GFOD1: variants seen among roughly 807,000 people sequenced by gnomAD.
GFOD1 encodes Gfo/Idh/MocA-like oxidoreductase domain containing 1, also known as glucose-fructose oxidoreductase domain-containing protein 1.
Under a neutral mutation model 25.4 loss-of-function variants are expected in GFOD1, and 9 were observed. That is an observed-to-expected ratio of 0.35 (90% CI 0.21 to 0.62). The LOEUF (loss-of-function observed/expected upper bound fraction) is 0.62. GFOD1 is among the 20% of genes least tolerant of loss of function. GFOD1 has a pLI of 0.72. For synonymous variants in GFOD1, 253 were observed against 245.6 expected (o/e 1.03, Z -0.28); for missense variants, 403 against 556.9 (o/e 0.72, Z 2.78).
chr6:13,468,921 T>C (rs1207149250), intron 1 of GFOD1, among the ~76,000 whole-genome samples: 8 of 152,148 alleles, frequency 5.3e-5, no homozygotes, highest in Non-Finnish European at 1.0e-4. Context: ...AGATCAAGCC[T>C]ATGGTGTGCA....
At chr6:13,468,406 T>G (rs1758415247) in intron 1 of GFOD1, among the ~76,000 whole-genome samples, 2 of 152,242 alleles carry the variant, frequency 1.3e-5, no homozygotes. Context: ...ATTTATGTTG[T>G]TTCCAGTGTT....
At position 13,401,278 on chromosome 6, in the gene GFOD1, C is replaced by T. The variant is rs186126655; in HGVS notation, c.254-35616G>A. On this transcript the variant is annotated intron_variant, in intron 1 of 1. Coordinates refer to ENST00000379287, the MANE Select transcript of GFOD1 (RefSeq NM_018988.4). ...GCATAAGGCGTGGGCCTGTTTGGAT[C>T]CCTATTCCAAAAGGCCAACCATGAG... Among the ~76,000 whole-genome samples, 174 of 152,282 alleles carry T rather than the reference C, an allele frequency of 1.1e-3. 2 individuals are homozygous for T. The Middle Eastern group carries it at 0.031, about 27-fold the overall frequency.
intron 1 of GFOD1, among the ~76,000 whole-genome samples, chr6:13,438,664 C>T (rs901852236): frequency 2.0e-4 from 31 of 152,254 alleles, no homozygotes; most frequent in African/African-American, 7.2e-4. Context: ...ACCCATCACC[C>T]TGTAAAATGA....
intron 1 of GFOD1, among the ~76,000 whole-genome samples, chr6:13,473,699 G>A (rs1181879984): frequency 6.6e-6 from 1 of 152,160 alleles, no homozygotes; most frequent in Non-Finnish European, 1.5e-5. Context: ...ATATCATAGA[G>A]CCTCCCATGT....
At chr6:13,458,349 C>T (rs2127574965) in intron 1 of GFOD1, among the ~76,000 whole-genome samples, 1 of 152,280 alleles carries the variant, frequency 6.6e-6, no homozygotes, top group Middle Eastern at 3.4e-3. Context: ...AACTCCTGAC[C>T]TTGTGATCCG....
chr6:13,462,421 C>G (rs138940312), intron 1 of GFOD1, among the ~76,000 whole-genome samples: 1 of 152,180 alleles, frequency 6.6e-6, no homozygotes, highest in Non-Finnish European at 1.5e-5. Flanking sequence ...ATTGTCAGAA[C>G]GTCTCAGATC....
At chr6:13,427,509 G>A (rs1251746369) in intron 1 of GFOD1, among the ~76,000 whole-genome samples, 1 of 152,026 alleles carries the variant, frequency 6.6e-6, no homozygotes, top group African/African-American at 2.4e-5. Context: ...AAATTAGCCC[G>A]GCATGGTGGT....
chr6:13,443,364 T>A (rs1757948331), intron 1 of GFOD1, among the ~76,000 whole-genome samples: 1 of 152,252 alleles, frequency 6.6e-6, no homozygotes. Flanking sequence ...TAAACTTAGT[T>A]GATAAAGGCG....
chr6:13,365,666 C>A lies in GFOD1; in HGVS notation c.254-4G>T, dbSNP rs753976505. The stretch of plus-strand genomic sequence containing the variant: ...CAGATGACGTTCTTGCCGATGCCTG[C>A]GGGTGGGAGGAAGACAGCGGTCAGC... On this transcript the variant is annotated splice_region_variant and splice_polypyrimidine_tract_variant and intron_variant, in intron 1 of 1. Transcript: ENST00000379287. The surrounding 1 kb of genome is among the most constrained non-coding windows in gnomAD (Gnocchi z 9.2). 6.3e-7 allele frequency: 1 copy of A among 1,588,118 alleles called. No individual in the cohort carries two copies. The highest frequency in any genetic ancestry group is 1.3e-5 in the African/African-American group (1 of 74,806).
At chr6:13,478,762 G>A (rs1043588492) in intron 1 of GFOD1, among the ~76,000 whole-genome samples, 2 of 152,244 alleles carry the variant, frequency 1.3e-5, no homozygotes, top group Admixed American at 6.5e-5. Context: ...CTGTGAAGCA[G>A]AGGATGCTGG....
At chr6:13,447,012 C>T (rs1758013851) in intron 1 of GFOD1, among the ~76,000 whole-genome samples, 1 of 152,168 alleles carries the variant, frequency 6.6e-6, no homozygotes, top group Non-Finnish European at 1.5e-5. Context: ...ATCTGATCTC[C>T]TAGATGTTAA....
chr6:13,386,060 CTTTTT>C (rs5874414), intron 1 of GFOD1, among the ~76,000 whole-genome samples: 2 of 128,028 alleles, frequency 1.6e-5, no homozygotes, highest in Admixed American at 8.1e-5. Context: ...TGGGTAATTC[CTTTTT>C]TTTTTTTTTT....
chr6:13,386,929 A>G (rs927862048), intron 1 of GFOD1, among the ~76,000 whole-genome samples: 1 of 152,190 alleles, frequency 6.6e-6, no homozygotes, highest in African/African-American at 2.4e-5. Flanking sequence ...ATGCTGGTGA[A>G]AAATGTTAAA....
intron 1 of GFOD1, among the ~76,000 whole-genome samples, chr6:13,464,097 C>A (rs1758339585): frequency 6.6e-6 from 1 of 152,166 alleles, no homozygotes; most frequent in African/African-American, 2.4e-5. Flanking sequence ...GGGTGATTTA[C>A]CCCCACTCAT....
intron 1 of GFOD1, among the ~76,000 whole-genome samples, chr6:13,445,199 G>A (rs972170418): frequency 2.6e-5 from 4 of 152,174 alleles, no homozygotes; most frequent in East Asian, 1.9e-4. Context: ...TGAAGGTATC[G>A]GCTGGCAGCC....
chr6:13,446,782 G>C (rs1758010141), intron 1 of GFOD1, among the ~76,000 whole-genome samples: 1 of 152,186 alleles, frequency 6.6e-6, no homozygotes, highest in Non-Finnish European at 1.5e-5. Flanking sequence ...TCCTGCTGAT[G>C]GTGGAAAGGG....
chr6:13,423,372 G>A (rs1363076224), intron 1 of GFOD1, among the ~76,000 whole-genome samples: 1 of 152,128 alleles, frequency 6.6e-6, no homozygotes, highest in East Asian at 1.9e-4. Flanking sequence ...TAATATGCCT[G>A]ACACCATACC....
intron 1 of GFOD1, among the ~76,000 whole-genome samples, chr6:13,399,431 G>A (rs1462368134): frequency 2.0e-5 from 3 of 152,208 alleles, no homozygotes; most frequent in Admixed American, 6.5e-5. Flanking sequence ...AAATGTGAAT[G>A]TTTGTTGCAG....
chr6:13,381,681 C>T (rs1785364616), intron 1 of GFOD1, among the ~76,000 whole-genome samples: 1 of 152,114 alleles, frequency 6.6e-6, no homozygotes, highest in African/African-American at 2.4e-5. Context: ...CTGCAATGCC[C>T]TAAAGGTGTG....
Sources: allele counts gnomAD v4.1 joint callset (sites outside exome capture counted in the v4.1 genomes callset), GRCh38; gene constraint gnomAD v4.1.1; non-coding constraint Gnocchi (gnomAD v3.1); transcripts MANE v1.5; gene names NCBI Gene and HGNC (gene_info 2026-07-23, HGNC 2026-07-21).